ANKIB1: variants seen among roughly 807,000 people sequenced by gnomAD.
ANKIB1 encodes ankyrin repeat and IBR domain-containing protein 1.
A neutral mutation model predicts 122.1 loss-of-function variants in ANKIB1; 43 were observed. The ratio of observed to expected loss-of-function variants is 0.35; its 90% CI spans 0.28 to 0.45. ANKIB1 has a LOEUF of 0.45. Among genes scored for constraint, ANKIB1 ranks in the 20% least tolerant of loss-of-function variants. The pLI, the probability that ANKIB1 is intolerant of heterozygous loss-of-function variation, is 1.00. For synonymous variants in ANKIB1, 390 were observed against 442.0 expected, an observed-to-expected ratio of 0.88 and a Z score of 1.48; for missense variants, 992 against 1,329.5, an observed-to-expected ratio of 0.75 and a Z score of 3.95.
chr7:92,337,792 A>C (rs1428807565), intron 5 of ANKIB1, among the ~76,000 whole-genome samples: 1 of 152,208 alleles, frequency 6.6e-6, no homozygotes, highest in Non-Finnish European at 1.5e-5. Context: ...TAATTACATA[A>C]TATAATGGAA....
intron 1 of ANKIB1, among the ~76,000 whole-genome samples, chr7:92,286,419 A>G (rs888514846): frequency 4.6e-5 from 7 of 150,620 alleles, no homozygotes; most frequent in Admixed American, 1.3e-4. Flanking sequence ...TGGCCTTTCT[A>G]TTTATTTTCT....
chr7:92,340,356 G>C (rs1253698444), intron 5 of ANKIB1, among the ~76,000 whole-genome samples: 1 of 152,140 alleles, frequency 6.6e-6, no homozygotes, highest in Non-Finnish European at 1.5e-5. Flanking sequence ...CAGTCAGCAT[G>C]GCACTTGTTC....
intron 4 of ANKIB1, 98 bp from the exon 5 acceptor site, chr7:92,327,685 C>A (rs1368230700): frequency 4.1e-5 from 21 of 509,410 alleles, no homozygotes; most frequent in Non-Finnish European, 6.9e-5. Flanking sequence ...AATGTGGAAC[C>A]GTGGATACAT....
chr7:92,352,773 T>A, intron 9 of ANKIB1, 131 bp downstream of exon 9: 1 of 934,886 alleles, frequency 1.1e-6, no homozygotes, highest in Non-Finnish European at 1.6e-6. Flanking sequence ...AAGAAATGTG[T>A]AAGAAGTAGT....
chr7:92,319,287 T>C (rs1215420798), intron 3 of ANKIB1, 43 bp from the exon 4 acceptor site: 4 of 1,257,466 alleles, frequency 3.2e-6, no homozygotes, highest in East Asian at 2.4e-5. Flanking sequence ...AAATAACTTA[T>C]TTGAACCTGT....
intron 9 of ANKIB1, among the ~76,000 whole-genome samples, chr7:92,361,971 G>A (rs1041823595): frequency 2.0e-5 from 3 of 152,042 alleles, no homozygotes; most frequent in African/African-American, 4.8e-5. Flanking sequence ...CACCACGCCC[G>A]ACTAATTTTT....
At chr7:92,278,928 C>T (rs1032850757) in intron 1 of ANKIB1, among the ~76,000 whole-genome samples, 2 of 152,176 alleles carry the variant, frequency 1.3e-5, no homozygotes, top group Non-Finnish European at 2.9e-5. Flanking sequence ...GAAACCCAAA[C>T]ACAAGGCAAA....
chr7:92,331,993 A>G lies in ANKIB1; in HGVS notation c.787+4093A>G, dbSNP rs574967247. Reference sequence around the variant, plus strand: ...TTTACACATCGTATCGTTAAATATTATTAAATGATCAACTCCGTTTTTACT... The same window carrying G: ...TTTACACATCGTATCGTTAAATATTGTTAAATGATCAACTCCGTTTTTACT... On this transcript the variant is annotated intron_variant, in intron 5 of 19. Coordinates refer to ENST00000265742, the MANE Select transcript of ANKIB1 (RefSeq NM_019004.2). Among the ~76,000 whole-genome samples, 4 of 152,358 alleles carry G rather than the reference A, an allele frequency of 2.6e-5. No homozygotes were observed. In the East Asian group the frequency reaches 7.7e-4, roughly 29 times the overall value.
In ANKIB1 at chr7:92,311,723, C is replaced by G. The variant is rs187631211; in HGVS notation, c.486+4067C>G. On this transcript the variant is annotated intron_variant, in intron 3 of 19. Transcript: ENST00000265742. ...ATTATGTTCTGTAATAAGCGCCCCC[C>G]CCACACACACACACACAGAACATAA... Among the ~76,000 whole-genome samples the G allele has an allele frequency of 3.9e-3, 587 of 149,090 alleles. 2 individuals are homozygous for G. Among genetic ancestry groups the G allele is most frequent in the South Asian group, 7.4e-3 (34 of 4,578 alleles).
chr7:92,283,009 T>C (rs1225873984), intron 1 of ANKIB1, among the ~76,000 whole-genome samples: 7 of 152,178 alleles, frequency 4.6e-5, no homozygotes, highest in Non-Finnish European at 1.5e-5. Flanking sequence ...GAATATAGCT[T>C]TTGCAGCTAT....
At chr7:92,283,960 G>A (rs961795583) in intron 1 of ANKIB1, among the ~76,000 whole-genome samples, 2 of 152,014 alleles carry the variant, frequency 1.3e-5, no homozygotes, top group South Asian at 2.1e-4. Flanking sequence ...TAGTAGGGAC[G>A]GGGTTTCATC....
At chr7:92,259,412 A>G (rs1310676280) in intron 1 of ANKIB1, among the ~76,000 whole-genome samples, 3 of 152,032 alleles carry the variant, frequency 2.0e-5, no homozygotes, top group African/African-American at 7.3e-5. Flanking sequence ...CTGTCTCCCT[A>G]ATTGGATTTC....
intron 7 of ANKIB1, among the ~76,000 whole-genome samples, chr7:92,345,323 T>C (rs529363072): frequency 6.6e-6 from 1 of 152,338 alleles, no homozygotes; most frequent in South Asian, 2.1e-4. Context: ...AAATAATTTT[T>C]CTTAGTATTT....
At position 92,400,061 on chromosome 7, in the gene ANKIB1, G is replaced by GTAA. The variant is rs761208468; in HGVS notation, c.*1114_*1116dup. 3.9e-5 allele frequency: 6 copies of GTAA among 152,162 alleles called. No homozygotes were observed. The highest frequency in any genetic ancestry group is 7.3e-5 in the Non-Finnish European group (5 of 68,028). The allele number at this position is 152,162 out of a possible 1,614,324, so 9.4% of individuals were successfully genotyped here. A position where few individuals can be genotyped will look rare whatever the true frequency, so the allele number is the denominator to read the frequency against. The stretch of plus-strand genomic sequence containing the variant: ...GGATAGTTGCCAGTTAAATAAGTGA[G>GTAA]TAATTCAAATTTCAATGTCTCTTCT... On this transcript the variant is annotated 3_prime_UTR_variant, in exon 20 of 20. Coordinates refer to ENST00000265742, the MANE Select transcript of ANKIB1 (RefSeq NM_019004.2).
chr7:92,393,208 T>C (rs1464664953), intron 17 of ANKIB1, among the ~76,000 whole-genome samples: 3 of 152,112 alleles, frequency 2.0e-5, no homozygotes, highest in Non-Finnish European at 4.4e-5. Flanking sequence ...TACTTTCTCT[T>C]TTCAGCTGCT....
At chr7:92,338,073 A>G (rs756555801) in intron 5 of ANKIB1, among the ~76,000 whole-genome samples, 1 of 152,108 alleles carries the variant, frequency 6.6e-6, no homozygotes, top group African/African-American at 2.4e-5. Flanking sequence ...TAGGAAATAG[A>G]AGGAGAACGA....
chr7:92,258,917 G>T (rs1801504535), intron 1 of ANKIB1, among the ~76,000 whole-genome samples: 1 of 151,950 alleles, frequency 6.6e-6, no homozygotes, highest in Admixed American at 6.6e-5. Context: ...TCAAAGGCCA[G>T]GTTTTTTGTT....
chr7:92,281,307 C>A (rs1802008254), intron 1 of ANKIB1, among the ~76,000 whole-genome samples: 1 of 152,132 alleles, frequency 6.6e-6, no homozygotes, highest in African/African-American at 2.4e-5. Flanking sequence ...TGAAGAAAAG[C>A]AGGTGATTAG....
chr7:92,300,355 A>G (rs1021854062), intron 2 of ANKIB1, among the ~76,000 whole-genome samples: 1 of 152,022 alleles, frequency 6.6e-6, no homozygotes, highest in African/African-American at 2.4e-5. Flanking sequence ...GTCTTTGGAT[A>G]TTTTCTTTTT....
Sources: gnomAD v4.1 joint callset for allele counts (sites outside exome capture counted in the v4.1 genomes callset) on GRCh38, gnomAD v4.1.1 for gene constraint, MANE v1.5 for transcripts, NCBI Gene and HGNC (gene_info 2026-07-23, HGNC 2026-07-21) for gene names.